The following ZNF710 variants were observed in gnomAD, a reference collection of about 807,000 sequenced individuals.
ZNF710 encodes zinc finger protein 710.
In ZNF710, 13 loss-of-function variants were observed where a neutral mutation model predicts 50.6. That is an observed-to-expected ratio of 0.26 (90% CI 0.17 to 0.41). The LOEUF is 0.41. Ranked by LOEUF, ZNF710 falls within the 10% of genes least tolerant of loss-of-function variation. ZNF710 has a pLI of 1.00. For missense variants in ZNF710, 721 were observed against 936.6 expected (o/e 0.77, Z 3.01); for synonymous variants, 383 against 397.0 (o/e 0.96, Z 0.42).
intron 2 of ZNF710, among the ~76,000 whole-genome samples, chr15:90,072,507 C>T (rs897603605): frequency 6.6e-6 from 1 of 152,132 alleles, no homozygotes; most frequent in Non-Finnish European, 1.5e-5. Context: ...GACCTAAGTG[C>T]CATTTTTGGG....
chr15:90,016,853 G>A (rs996648805), intron 1 of ZNF710, among the ~76,000 whole-genome samples: 1 of 152,216 alleles, frequency 6.6e-6, no homozygotes. Flanking sequence ...TTGTGCCTAC[G>A]GGGCAAAAGC....
At chr15:90,025,821 A>G (rs1386096407) in intron 1 of ZNF710, 2 of 152,202 alleles carry the variant, frequency 1.3e-5, no homozygotes, top group Non-Finnish European at 2.9e-5. Flanking sequence ...ACTAAAACCC[A>G]ACCACTTGAA....
chr15:90,059,056 G>A lies in ZNF710; in HGVS notation c.-28-8054G>A. 6.6e-6 allele frequency among the ~76,000 whole-genome samples: 1 copy of A among 152,200 alleles called. No homozygotes were observed. The highest frequency in any genetic ancestry group is 1.9e-4 in the East Asian group (1 of 5,200). ...CAGCCGGGCACCATAGCTTAGCCAA[G>A]ATGACGCATATGATTTACCACGACA... is the stretch of plus-strand genomic sequence containing the variant. On this transcript the variant is annotated intron_variant, in intron 1 of 4. Transcript: ENST00000268154. The surrounding 1 kb of genome is among the most constrained non-coding windows in gnomAD (Gnocchi z 4.1).
chr15:90,067,492 C>A lies in ZNF710; in HGVS notation c.355C>A (p.Gln119Lys), dbSNP rs1368569147. Residue 119 changes from glutamine (Q) to lysine (K), a missense_variant, in exon 2 of 5, where the codon CAG becomes AAG. Transcript: ENST00000268154. The surrounding 1 kb of genome is among the most constrained non-coding windows in gnomAD (Gnocchi z 8.1). ...GTTCGAGAAGGTGGAGGAGGAGGAA[C>A]AGGAGGTCTATGAGGTTTCTGTGCC... ...VKFEKVEEEEQEVYEVSVPGD... is the reference protein window; with the variant it reads ...VKFEKVEEEEKEVYEVSVPGD... 6.2e-7 allele frequency: 1 copy of A among 1,613,564 alleles called. No homozygotes were observed. Among genetic ancestry groups the A allele is most frequent in the Non-Finnish European group, 8.5e-7 (1 of 1,179,730 alleles).
Position 90,059,645 on chromosome 15 carries a change from G to T in ZNF710, c.-28-7465G>T, listed in dbSNP as rs56268792. 6.6e-6 allele frequency among the ~76,000 whole-genome samples: 1 copy of T among 152,012 alleles called. No individual in the cohort carries two copies. The highest frequency in any genetic ancestry group is 2.4e-5 in the African/African-American group (1 of 41,394). ...ACTTCCCCTGCCCCTCCCCCGTGCC[G>T]GCGGCAGCTCCCTGGGCCTCTGGCT... On this transcript the variant is annotated intron_variant, in intron 1 of 4. Coordinates refer to ENST00000268154, the MANE Select transcript of ZNF710 (RefSeq NM_198526.4). This position sits in a 1 kb window ranked among gnomAD's most constrained non-coding sequence, Gnocchi z 4.1.
At chr15:90,032,065 C>T (rs1041045483) in intron 1 of ZNF710, among the ~76,000 whole-genome samples, 1 of 152,200 alleles carries the variant, frequency 6.6e-6, no homozygotes, top group African/African-American at 2.4e-5. Flanking sequence ...GGCGCGATCT[C>T]AGCTCACTGC....
chr15:90,017,720 G>T (rs11633304), intron 1 of ZNF710, among the ~76,000 whole-genome samples: 70,414 of 151,652 alleles, frequency 0.46, 17,578 homozygotes, highest in Non-Finnish European at 0.56. Flanking sequence ...TGTTCCCCTG[G>T]AAAGTTTATA....
At chr15:90,077,894 G>A (rs1014837057) in intron 4 of ZNF710, among the ~76,000 whole-genome samples, 1 of 143,856 alleles carries the variant, frequency 7.0e-6, no homozygotes, top group Non-Finnish European at 1.5e-5. Context: ...TGGCAATAGA[G>A]CAAGACCTTG....
chr15:90,024,423 C>T (rs1243479886), intron 1 of ZNF710, among the ~76,000 whole-genome samples: 1 of 152,134 alleles, frequency 6.6e-6, no homozygotes, highest in African/African-American at 2.4e-5. Context: ...GCTGATGGCC[C>T]CCCACCTGTG....
intron 1 of ZNF710, among the ~76,000 whole-genome samples, chr15:90,021,269 G>A (rs1323725468): frequency 1.3e-5 from 2 of 152,212 alleles, no homozygotes; most frequent in African/African-American, 2.4e-5. Context: ...CAGAGGCAAG[G>A]GGAGGACCTC....
At chr15:90,074,900 C>T in intron 4 of ZNF710, 1 of 259,736 alleles carries the variant, frequency 3.9e-6, no homozygotes, top group Non-Finnish European at 7.5e-6. Context: ...ATCAGTCACA[C>T]TCTTCACAAG....
chr15:90,067,114 G>A lies in ZNF710; in HGVS notation c.-24G>A. 6.4e-7 allele frequency: 1 copy of A among 1,565,940 alleles called. No individual in the cohort carries two copies. Among genetic ancestry groups the A allele is most frequent in the Non-Finnish European group, 8.7e-7 (1 of 1,154,464 alleles). The stretch of plus-strand genomic sequence containing the variant: ...CCTTCCCTTCTCCACCCACAGCGAT[G>A]CCCTCCTAGCTAGCCGTCACGGGAT... On this transcript the variant is annotated 5_prime_UTR_variant, in exon 2 of 5. An upstream start codon of the reference 5' UTR is lost. Coordinates refer to ENST00000268154, the MANE Select transcript of ZNF710 (RefSeq NM_198526.4). The surrounding 1 kb of genome is among the most constrained non-coding windows in gnomAD (Gnocchi z 8.1).
At chr15:90,033,337 C>T (rs1899003366) in intron 1 of ZNF710, among the ~76,000 whole-genome samples, 1 of 152,140 alleles carries the variant, frequency 6.6e-6, no homozygotes, top group African/African-American at 2.4e-5. Flanking sequence ...TTGAGAAGCA[C>T]TGGGGATGTT....
At chr15:90,066,510 C>CT (rs1427694868) in intron 1 of ZNF710, among the ~76,000 whole-genome samples, 1 of 129,306 alleles carries the variant, frequency 7.7e-6, no homozygotes, top group East Asian at 2.7e-4. Context: ...CAGAGTGTCA[C>CT]TTTGCTGCCC....
chr15:90,010,703 C>A (rs1319147191), intron 1 of ZNF710, among the ~76,000 whole-genome samples: 1 of 151,768 alleles, frequency 6.6e-6, no homozygotes, highest in Non-Finnish European at 1.5e-5. Flanking sequence ...TTTTTCTTTC[C>A]TTCAGTCCGT....
intron 3 of ZNF710, among the ~76,000 whole-genome samples, chr15:90,073,538 C>T (rs1337642560): frequency 6.6e-6 from 1 of 152,106 alleles, no homozygotes; most frequent in Non-Finnish European, 1.5e-5. Context: ...GGGCTTAGTG[C>T]AGCTAGAGAT....
intron 1 of ZNF710, among the ~76,000 whole-genome samples, chr15:90,037,688 T>C (rs562815872): frequency 6.6e-6 from 1 of 152,328 alleles, no homozygotes; most frequent in Non-Finnish European, 1.5e-5. Flanking sequence ...GCCACAATTA[T>C]GAGAGCATCT....
intron 1 of ZNF710, among the ~76,000 whole-genome samples, chr15:90,021,020 C>T (rs965407310): frequency 2.7e-5 from 4 of 146,626 alleles, no homozygotes; most frequent in Admixed American, 2.7e-4. Flanking sequence ...CCCCCCCCCC[C>T]TTAGCAGCCT....
upstream of ZNF710, among the ~76,000 whole-genome samples, chr15:90,000,351 C>G (rs941230711): frequency 3.3e-5 from 5 of 152,122 alleles, no homozygotes; most frequent in African/African-American, 1.2e-4. Context: ...GGCCTGGTGT[C>G]CGGCCTGCGC....
Sources: gnomAD v4.1 joint callset for allele counts (sites outside exome capture counted in the v4.1 genomes callset) on GRCh38, gnomAD v4.1.1 for gene constraint, Gnocchi (gnomAD v3.1) non-coding constraint, MANE v1.5 for transcripts, NCBI Gene and HGNC (gene_info 2026-07-23, HGNC 2026-07-21) for gene names.